ENTHD1: variants seen among roughly 807,000 people sequenced by gnomAD.
ENTHD1 encodes the protein ENTH domain-containing protein 1.
A neutral mutation model predicts 39.1 loss-of-function variants in ENTHD1; 23 were observed. The observed-to-expected ratio is 0.59, with a 90% CI of 0.42 to 0.83. The LOEUF is 0.83. Ranked by LOEUF, ENTHD1 falls within the 40% of genes least tolerant of loss-of-function variation. ENTHD1 has a pLI of 0.00. For missense variants in ENTHD1, 624 were observed against 705.4 expected (o/e 0.88, Z 1.31); for synonymous variants, 230 against 258.2 (o/e 0.89, Z 1.05).
chr22:39,885,848 T>C (rs1004990618), intron 2 of ENTHD1, among the ~76,000 whole-genome samples: 6 of 152,176 alleles, frequency 3.9e-5, no homozygotes, highest in African/African-American at 9.7e-5. Flanking sequence ...ACGGGGTTTC[T>C]GTTTGGGGTG....
intron 6 of ENTHD1, among the ~76,000 whole-genome samples, chr22:39,747,502 A>G (rs943573931): frequency 5.3e-5 from 8 of 152,182 alleles, no homozygotes; most frequent in African/African-American, 1.9e-4. Context: ...CAATTCTATT[A>G]CATTAGAATT....
chr22:39,752,110 A>G (rs1374578055), intron 6 of ENTHD1, among the ~76,000 whole-genome samples: 3 of 152,000 alleles, frequency 2.0e-5, no homozygotes, highest in African/African-American at 7.2e-5. Flanking sequence ...GAGAGAGAGA[A>G]ATAGATATAC....
intron 3 of ENTHD1, among the ~76,000 whole-genome samples, chr22:39,858,201 T>C (rs2066110716): frequency 6.6e-6 from 1 of 152,254 alleles, no homozygotes; most frequent in Non-Finnish European, 1.5e-5. Flanking sequence ...TGCAACAATG[T>C]TCACAGCTTC....
At chr22:39,761,761 C>T (rs2065234925) in intron 6 of ENTHD1, among the ~76,000 whole-genome samples, 1 of 152,032 alleles carries the variant, frequency 6.6e-6, no homozygotes, top group African/African-American at 2.4e-5. Context: ...CTTTCAGCTC[C>T]AGAACTTCCA....
chr22:39,801,464 ACAC>A (rs1354556406), intron 5 of ENTHD1, among the ~76,000 whole-genome samples: 1 of 152,250 alleles, frequency 6.6e-6, no homozygotes, highest in Non-Finnish European at 1.5e-5. Context: ...ATCATATTAC[ACAC>A]TTACAGACAC....
At chr22:39,845,889 T>C (rs1008333269) in intron 3 of ENTHD1, among the ~76,000 whole-genome samples, 5 of 152,156 alleles carry the variant, frequency 3.3e-5, no homozygotes, top group African/African-American at 9.7e-5. Context: ...TTTTTCACTT[T>C]TACATGGTGT....
In ENTHD1 at chr22:39,887,572, G is replaced by A; in HGVS notation, c.177C>T (p.His59=). 6.2e-7 allele frequency: 1 copy of A among 1,614,184 alleles called. No homozygotes were observed. Among genetic ancestry groups the A allele is most frequent in the Non-Finnish European group, 8.5e-7 (1 of 1,180,032 alleles). Residue 59 remains histidine (H), a synonymous_variant, in exon 2 of 7, where the codon CAC becomes CAT. Transcript: ENST00000325157. The stretch of plus-strand genomic sequence containing the variant: ...AGTTCTTCCCATGGTCATTGAGTCT[G>A]TGCCACAGCATATTCATAATCTCTG... ...SLSEIMNMLW[H]RLNDHGKNWR...
chr22:39,783,294 G>C (rs2065426389), intron 5 of ENTHD1, among the ~76,000 whole-genome samples: 1 of 151,706 alleles, frequency 6.6e-6, no homozygotes, highest in South Asian at 2.1e-4. Context: ...TAAAAAATTG[G>C]AAAGATTTTC....
At chr22:39,794,125 T>A (rs936183355) in intron 5 of ENTHD1, among the ~76,000 whole-genome samples, 2 of 152,218 alleles carry the variant, frequency 1.3e-5, no homozygotes, top group African/African-American at 4.8e-5. Flanking sequence ...TGTGTCCTCT[T>A]CAACTTCTTT....
chr22:39,754,937 T>C (rs2065173553), intron 6 of ENTHD1, among the ~76,000 whole-genome samples: 1 of 152,262 alleles, frequency 6.6e-6, no homozygotes, highest in Non-Finnish European at 1.5e-5. Flanking sequence ...ACATAGCTTC[T>C]ATCATCTGTC....
intron 3 of ENTHD1, among the ~76,000 whole-genome samples, chr22:39,836,824 T>C (rs1047081930): frequency 6.6e-6 from 1 of 152,178 alleles, no homozygotes; most frequent in Non-Finnish European, 1.5e-5. Flanking sequence ...CGCTTCGCTC[T>C]CTTCCTCCTT....
At chr22:39,748,115 G>A (rs2065120647) in intron 6 of ENTHD1, among the ~76,000 whole-genome samples, 1 of 152,006 alleles carries the variant, frequency 6.6e-6, no homozygotes, top group Admixed American at 6.5e-5. Flanking sequence ...TGGGCATGGT[G>A]GTGTGTACCT....
intron 5 of ENTHD1, among the ~76,000 whole-genome samples, chr22:39,812,771 A>T (rs1027280985): frequency 2.0e-5 from 3 of 151,824 alleles, no homozygotes; most frequent in Admixed American, 2.0e-4. Flanking sequence ...ATTACATTGG[A>T]TCCCTTTGTC....
intron 3 of ENTHD1, among the ~76,000 whole-genome samples, chr22:39,852,258 A>C (rs1212398375): frequency 6.6e-6 from 1 of 152,030 alleles, no homozygotes; most frequent in Non-Finnish European, 1.5e-5. Context: ...AGGTAGGAGA[A>C]TCACCTGAGC....
chr22:39,771,016 G>A (rs1016252499), intron 5 of ENTHD1, among the ~76,000 whole-genome samples: 1 of 152,160 alleles, frequency 6.6e-6, no homozygotes, highest in African/African-American at 2.4e-5. Context: ...TGAGCATCAC[G>A]TAGTGCTAAA....
At chr22:39,887,154 A>C (rs2066385074) in intron 2 of ENTHD1, among the ~76,000 whole-genome samples, 1 of 152,196 alleles carries the variant, frequency 6.6e-6, no homozygotes, top group African/African-American at 2.4e-5. Flanking sequence ...TCCTGGTATA[A>C]AATGATCCCC....
chr22:39,747,414 A>C (rs1255091523), intron 6 of ENTHD1, among the ~76,000 whole-genome samples: 1 of 152,224 alleles, frequency 6.6e-6, no homozygotes, highest in Non-Finnish European at 1.5e-5. Context: ...AGGCTAGAAA[A>C]GGGGAAAGAT....
intron 5 of ENTHD1, among the ~76,000 whole-genome samples, chr22:39,783,544 C>G (rs1433665559): frequency 6.6e-6 from 1 of 151,986 alleles, no homozygotes; most frequent in Non-Finnish European, 1.5e-5. Context: ...AATAAAAAAA[C>G]AGATGCACAG....
intron 2 of ENTHD1, among the ~76,000 whole-genome samples, chr22:39,870,563 T>C (rs1259937582): frequency 1.3e-5 from 2 of 152,174 alleles, no homozygotes; most frequent in Non-Finnish European, 2.9e-5. Context: ...AAAATAAATC[T>C]ATACCAGAAA....
Sources: gnomAD v4.1 joint callset for allele counts (sites outside exome capture counted in the v4.1 genomes callset) on GRCh38, gnomAD v4.1.1 for gene constraint, MANE v1.5 for transcripts, NCBI Gene and HGNC (gene_info 2026-07-23, HGNC 2026-07-21) for gene names.